Variants in ACOXL observed in about 807,000 individuals in gnomAD.
The protein encoded by ACOXL is acyl-CoA oxidase like, also known as acyl-coenzyme A oxidase-like protein.
A neutral mutation model predicts 71.9 loss-of-function variants in ACOXL; 70 were observed. The observed-to-expected ratio is 0.97, with a 90% CI of 0.80 to 1.19. The LOEUF (loss-of-function observed/expected upper bound fraction) is 1.19, where lower values mean the gene tolerates loss of function less well. Among genes scored for constraint, ACOXL ranks in the 50% most tolerant of loss-of-function variants. The probability of loss-of-function intolerance (pLI) is 0.00; values close to 1 mark genes in which losing one functional copy is unlikely to be tolerated. For synonymous variants in ACOXL, 253 were observed against 281.6 expected, an observed-to-expected ratio of 0.90 and a Z score of 1.02; for missense variants, 703 against 736.3, an observed-to-expected ratio of 0.95 and a Z score of 0.52.
rs554442799 is a variant in ACOXL at position 110,892,551 on chromosome 2, T to G, written c.789-16238T>G. 1.3e-5 allele frequency among the ~76,000 whole-genome samples: 2 copies of G among 152,280 alleles called. 1 individual carries two copies. Among genetic ancestry groups the G allele is most frequent in the Admixed American group, 1.3e-4 (2 of 15,292 alleles). On this transcript the variant is annotated intron_variant, in intron 10 of 17. Transcript: ENST00000439055. Reference sequence around the variant, plus strand: ...GGAGGATGAAGTGTTTAGTTTTTGCTCGGAGGGGTGGTTATTATAATAGAC... The same window carrying G: ...GGAGGATGAAGTGTTTAGTTTTTGCGCGGAGGGGTGGTTATTATAATAGAC...
intron 16 of ACOXL, among the ~76,000 whole-genome samples, chr2:111,051,989 G>A (rs2066310924): frequency 1.3e-5 from 2 of 152,132 alleles, no homozygotes; most frequent in Admixed American, 6.5e-5. Flanking sequence ...GCTCCACCTT[G>A]CCTAACCTGA....
chr2:110,856,372 G>A (rs1425591965), intron 10 of ACOXL, among the ~76,000 whole-genome samples: 1 of 152,134 alleles, frequency 6.6e-6, no homozygotes, highest in Non-Finnish European at 1.5e-5. Flanking sequence ...GGCTTGTCAT[G>A]GTGTCACAGT....
intron 14 of ACOXL, among the ~76,000 whole-genome samples, chr2:111,031,333 C>T (rs989490137): frequency 6.6e-6 from 1 of 152,214 alleles, no homozygotes. Flanking sequence ...CCAATCAGAA[C>T]AGCCTCACTT....
In ACOXL at chr2:110,766,957, C is replaced by T. The variant is rs139240717; in HGVS notation, c.-22-1411C>T. On this transcript the variant is annotated intron_variant, in intron 1 of 17. Coordinates refer to ENST00000439055, the MANE Select transcript of ACOXL (RefSeq NM_001142807.4). ...AGAGGTGGAAGGTTAACTCTCCCCT[C>T]AGCCTTGCAGAAAGGAATTGGAGTG... 1.9e-3 allele frequency among the ~76,000 whole-genome samples: 289 copies of T among 152,320 alleles called. 1 individual carries two copies. Among genetic ancestry groups the T allele is most frequent in the African/African-American group, 6.8e-3 (282 of 41,580 alleles).
At chr2:110,847,215 A>G (rs1005979358) in intron 10 of ACOXL, among the ~76,000 whole-genome samples, 2 of 152,040 alleles carry the variant, frequency 1.3e-5, no homozygotes, top group Non-Finnish European at 2.9e-5. Flanking sequence ...CAAGATTGAA[A>G]GAGAGTTTAG....
chr2:110,772,894 G>A (rs1349546901), intron 2 of ACOXL, among the ~76,000 whole-genome samples: 2 of 152,182 alleles, frequency 1.3e-5, no homozygotes, highest in Admixed American at 6.5e-5. Context: ...TGAAAGGGCA[G>A]CTATCTTTTA....
At chr2:111,043,195 C>T (rs543015007) in intron 15 of ACOXL, among the ~76,000 whole-genome samples, 19 of 152,270 alleles carry the variant, frequency 1.2e-4, no homozygotes, top group African/African-American at 4.3e-4. Context: ...GGACAGTGAG[C>T]AGGGCCCTCA....
At chr2:111,001,129 A>G (rs1225979572) in intron 14 of ACOXL, among the ~76,000 whole-genome samples, 3 of 152,186 alleles carry the variant, frequency 2.0e-5, no homozygotes, top group Non-Finnish European at 4.4e-5. Context: ...GACTCTCTCA[A>G]TTATACAATA....
At chr2:110,881,862 A>T (rs4848317) in intron 10 of ACOXL, among the ~76,000 whole-genome samples, 106,246 of 151,806 alleles carry the variant, frequency 0.7, 37,340 homozygotes, top group South Asian at 0.82. Flanking sequence ...TATCACAGTT[A>T]GTTTACCCCT....
intron 16 of ACOXL, among the ~76,000 whole-genome samples, chr2:111,088,178 C>G (rs1262543297): frequency 1.3e-5 from 2 of 152,170 alleles, no homozygotes; most frequent in Non-Finnish European, 2.9e-5. Context: ...AAAGGGAACG[C>G]CTATGTACTG....
intron 14 of ACOXL, among the ~76,000 whole-genome samples, chr2:111,020,266 T>G (rs1288038830): frequency 6.6e-6 from 1 of 152,192 alleles, no homozygotes; most frequent in Non-Finnish European, 1.5e-5. Flanking sequence ...AGGCTCCCCG[T>G]GCTGTGCTGG....
intron 2 of ACOXL, among the ~76,000 whole-genome samples, chr2:110,774,124 C>G (rs979047241): frequency 6.6e-6 from 1 of 152,200 alleles, no homozygotes; most frequent in Non-Finnish European, 1.5e-5. Context: ...TTTCTCGCTA[C>G]CTTTTGCTAA....
At position 110,933,626 on chromosome 2, in the gene ACOXL, A is replaced by G; in HGVS notation, c.1043A>G (p.Glu348Gly). The stretch of plus-strand genomic sequence containing the variant: ...ATCCGCTGCCTGCAGGACTGCCGCG[A>G]GTGCACTGGAGGCATGGTGAGCCCC... The part of the protein sequence containing the change: ...ENIRCLQDCR[E>G]CTGGMVVGRE... The change falls in exon 12 of 18, where the codon GAG becomes GGG. Residue 348 changes from glutamate to glycine, a missense_variant. Physicochemically the swap from Glu to Gly is moderately conservative, Grantham distance 98. Coordinates refer to ENST00000439055, the MANE Select transcript of ACOXL (RefSeq NM_001142807.4). 1 of 1,611,698 alleles carries G rather than the reference A, an allele frequency of 6.2e-7. No individual in the cohort carries two copies. Among genetic ancestry groups the G allele is most frequent in the Non-Finnish European group, 8.5e-7 (1 of 1,179,318 alleles).
chr2:110,935,086 T>G (rs1374872969), intron 12 of ACOXL, among the ~76,000 whole-genome samples: 1 of 150,308 alleles, frequency 6.7e-6, no homozygotes, highest in Non-Finnish European at 1.5e-5. Flanking sequence ...GGGGGTAGAG[T>G]AAGGAGGTTA....
chr2:110,856,148 C>T (rs924993455), intron 10 of ACOXL, among the ~76,000 whole-genome samples: 3 of 152,228 alleles, frequency 2.0e-5, no homozygotes, highest in Non-Finnish European at 2.9e-5. Context: ...TTTTACAATC[C>T]GAGCTACAGA....
chr2:110,906,028 G>T (rs2059428099), intron 10 of ACOXL, among the ~76,000 whole-genome samples: 1 of 152,116 alleles, frequency 6.6e-6, no homozygotes, highest in African/African-American at 2.4e-5. Context: ...TACAAGGTGT[G>T]CCTCCATTGG....
At chr2:110,816,928 G>T (rs1317314371) in intron 9 of ACOXL, among the ~76,000 whole-genome samples, 3 of 152,198 alleles carry the variant, frequency 2.0e-5, no homozygotes, top group Non-Finnish European at 4.4e-5. Context: ...CTCACCCGTT[G>T]CCTGGGCATG....
chr2:110,899,756 TCA>T (rs776374213), intron 10 of ACOXL, among the ~76,000 whole-genome samples: 1 of 152,188 alleles, frequency 6.6e-6, no homozygotes, highest in Non-Finnish European at 1.5e-5. Context: ...TCTCAAGGAA[TCA>T]CAGTTCTGAC....
At chr2:110,939,526 G>A (rs1196356243) in intron 12 of ACOXL, among the ~76,000 whole-genome samples, 2 of 152,068 alleles carry the variant, frequency 1.3e-5, no homozygotes, top group Non-Finnish European at 2.9e-5. Flanking sequence ...TATCTTGTAG[G>A]TGTACCATAA....
Sources: allele counts gnomAD v4.1 joint callset (sites outside exome capture counted in the v4.1 genomes callset), GRCh38; gene constraint gnomAD v4.1.1; transcripts MANE v1.5; gene names NCBI Gene and HGNC (gene_info 2026-07-23, HGNC 2026-07-21).